Variants in LRP1B observed in about 807,000 individuals in gnomAD.
LRP1B encodes the protein LDL receptor related protein 1B.
LRP1B carries 217 observed loss-of-function variants against 556.6 expected under a neutral mutation model. That is an observed-to-expected ratio of 0.39 (90% CI 0.35 to 0.44). The LOEUF (loss-of-function observed/expected upper bound fraction) is 0.44, where lower values mean the gene tolerates loss of function less well. LRP1B is among the 20% of genes least tolerant of loss of function. The pLI is 1.00. For missense variants in LRP1B, 5,053 were observed against 5,620.8 expected (o/e 0.90, Z 3.23); for synonymous variants, 2,047 against 1,865.8 (o/e 1.10, Z -2.50).
At chr2:140,960,024 A>G (rs1695987384) in intron 18 of LRP1B, among the ~76,000 whole-genome samples, 1 of 20,014 alleles carries the variant, frequency 5.0e-5, no homozygotes. Flanking sequence ...GCATATTATT[A>G]AAATGAGTAA....
In LRP1B at chr2:140,883,026, T is replaced by C. The variant is rs1285573950; in HGVS notation, c.4169+791A>G. On this transcript the variant is annotated intron_variant, in intron 25 of 90. Transcript: ENST00000389484. ...CCTATCAGTTGCATATTATCTCCCA[T>C]GTATATCATCTCCTTAAAAACAACT... Among the ~76,000 whole-genome samples, 14 of 152,314 alleles carry C rather than the reference T, an allele frequency of 9.2e-5. No homozygotes were observed. In the East Asian group the frequency reaches 2.7e-3, roughly 29 times the overall value.
chr2:141,974,491 T>C lies in LRP1B; in HGVS notation c.82+156157A>G, dbSNP rs542878776. 3.3e-5 allele frequency among the ~76,000 whole-genome samples: 5 copies of C among 152,116 alleles called. No homozygotes were observed. The South Asian group carries it at 6.2e-4, about 19-fold the overall frequency. The stretch of plus-strand genomic sequence containing the variant: ...TCGAGTTTTCAGTGTTTGTCACCAG[T>C]TAAACAGTACGGGTTCTGATTGCTA... On this transcript the variant is annotated intron_variant, in intron 1 of 90. Transcript: ENST00000389484.
intron 7 of LRP1B, among the ~76,000 whole-genome samples, chr2:141,086,049 C>T (rs1182590228): frequency 2.0e-5 from 3 of 152,166 alleles, no homozygotes; most frequent in African/African-American, 2.4e-5. Flanking sequence ...AGCATCAGGT[C>T]TGCTTGTTCT....
rs117307598 is a variant in LRP1B, at chr2:141,570,810, G to A, written c.206-90277C>T. Among the ~76,000 whole-genome samples the A allele has an allele frequency of 2.6e-5, 4 of 151,362 alleles. No homozygotes were observed. In the East Asian group the frequency reaches 7.8e-4, roughly 29 times the overall value. On this transcript the variant is annotated intron_variant, in intron 2 of 90. Transcript: ENST00000389484. The stretch of plus-strand genomic sequence containing the variant: ...ATCTGCAGCCAGAGTGCCTCTTCAG[G>A]CCTGACCCGGACCCATCCTTCCTCA...
rs372612325 is a variant in LRP1B, at chr2:140,501,673, T to C, written c.8850+14A>G. On this transcript the variant is annotated intron_variant, in intron 55 of 90. Transcript: ENST00000389484. Reference sequence around the variant, plus strand: ...AATGTATCGTATGATTTGCTACTTTTGATGAGTACCTACCTTATAACTGAC... The same window carrying C: ...AATGTATCGTATGATTTGCTACTTTCGATGAGTACCTACCTTATAACTGAC... 96 of 1,562,116 alleles carry C rather than the reference T, an allele frequency of 6.1e-5. No homozygotes were observed. The highest frequency in any genetic ancestry group is 4.8e-4 in the South Asian group (40 of 83,080).
intron 82 of LRP1B, among the ~76,000 whole-genome samples, chr2:140,318,326 A>AT (rs1480990936): frequency 3.3e-5 from 5 of 152,080 alleles, no homozygotes; most frequent in African/African-American, 7.2e-5. Flanking sequence ...TAAATGTAAG[A>AT]TTTTCTCTTA....
At chr2:141,517,510 C>A (rs192707184) in intron 2 of LRP1B, among the ~76,000 whole-genome samples, 6 of 152,266 alleles carry the variant, frequency 3.9e-5, no homozygotes. Flanking sequence ...ACATGCAATA[C>A]TGGACCTGAT....
intron 1 of LRP1B, among the ~76,000 whole-genome samples, chr2:141,981,566 G>A (rs561544999): frequency 6.6e-6 from 1 of 152,122 alleles, no homozygotes; most frequent in African/African-American, 2.4e-5. Context: ...TTATAAGCAG[G>A]GGATTTAAAT....
intron 1 of LRP1B, among the ~76,000 whole-genome samples, chr2:141,817,041 A>G (rs866489732): frequency 5.1e-4 from 78 of 152,244 alleles, no homozygotes; most frequent in African/African-American, 1.7e-3. Flanking sequence ...GAGTCAAATG[A>G]AAAAAAATTT....
At chr2:141,580,556 G>A (rs1686929019) in intron 2 of LRP1B, among the ~76,000 whole-genome samples, 3 of 151,252 alleles carry the variant, frequency 2.0e-5, no homozygotes, top group African/African-American at 7.3e-5. Flanking sequence ...AAACCTTAGA[G>A]TCTTCCTACT....
intron 1 of LRP1B, among the ~76,000 whole-genome samples, chr2:141,836,092 C>T (rs1697268224): frequency 6.6e-6 from 1 of 151,964 alleles, no homozygotes; most frequent in Non-Finnish European, 1.5e-5. Flanking sequence ...AAATCTGTGC[C>T]TAACAGATGT....
rs528968756 is a variant in LRP1B at position 142,076,914 on chromosome 2, C to A, written c.82+53734G>T. Reference sequence around the variant, plus strand: ...ATAGTTTTTGAGCATGTTCATATGACATCATTTGAGGTGTCACCTTATGAA... The same window carrying A: ...ATAGTTTTTGAGCATGTTCATATGAAATCATTTGAGGTGTCACCTTATGAA... On this transcript the variant is annotated intron_variant, in intron 1 of 90. Coordinates refer to ENST00000389484, the MANE Select transcript of LRP1B (RefSeq NM_018557.3). Among the ~76,000 whole-genome samples, 28 of 152,152 alleles carry A rather than the reference C, an allele frequency of 1.8e-4. 1 individual carries two copies. In the South Asian group the frequency reaches 5.4e-3, roughly 29 times the overall value.
At chr2:141,846,720 T>C (rs1352560497) in intron 1 of LRP1B, among the ~76,000 whole-genome samples, 1 of 151,446 alleles carries the variant, frequency 6.6e-6, no homozygotes, top group South Asian at 2.1e-4. Context: ...AAAATATTAA[T>C]GACCTAAAGT....
chr2:140,851,665 C>A lies in LRP1B; in HGVS notation c.4698G>T (p.Lys1566Asn), dbSNP rs1343651855. ...CPHLMKLSSDKKTCYEMKKFL... is the reference protein window; with the variant it reads ...CPHLMKLSSDNKTCYEMKKFL... ...TAAGAAATTTACCATAGCAGGTCTTCTTGTCTGAAGAAAGCTTCATCAAGT... is the reference window on the plus strand; with the variant it reads ...TAAGAAATTTACCATAGCAGGTCTTATTGTCTGAAGAAAGCTTCATCAAGT... The change falls in exon 28 of 91, where the codon AAG (lysine) becomes AAT (asparagine). Residue 1566 changes from lysine to asparagine, a missense_variant. Physicochemically the swap from Lys to Asn is moderately conservative, Grantham distance 94. Transcript: ENST00000389484. 2 of 1,609,094 alleles carry A rather than the reference C, an allele frequency of 1.2e-6. No individual in the cohort carries two copies. Among genetic ancestry groups the A allele is most frequent in the African/African-American group, 1.3e-5 (1 of 74,648 alleles).
At chr2:141,045,121 G>A (rs1698828909) in intron 11 of LRP1B, among the ~76,000 whole-genome samples, 1 of 137,190 alleles carries the variant, frequency 7.3e-6, no homozygotes, top group Admixed American at 7.7e-5. Flanking sequence ...TCCTTTGTGG[G>A]GACATGGATG....
At chr2:140,735,684 T>A (rs1687923072) in intron 35 of LRP1B, among the ~76,000 whole-genome samples, 1 of 152,160 alleles carries the variant, frequency 6.6e-6, no homozygotes, top group Non-Finnish European at 1.5e-5. Context: ...ACTTCCCTTG[T>A]GCTGGTAGAT....
At chr2:141,800,123 A>G (rs1432296757) in intron 2 of LRP1B, among the ~76,000 whole-genome samples, 2 of 152,126 alleles carry the variant, frequency 1.3e-5, no homozygotes, top group African/African-American at 4.8e-5. Flanking sequence ...ACTCAATTAA[A>G]ATCTGTTGTG....
intron 22 of LRP1B, among the ~76,000 whole-genome samples, chr2:140,906,122 T>C (rs930986777): frequency 1.3e-5 from 2 of 152,084 alleles, no homozygotes; most frequent in Non-Finnish European, 2.9e-5. Context: ...AAGAGTGCGG[T>C]GTGTAGTTCA....
intron 3 of LRP1B, among the ~76,000 whole-genome samples, chr2:141,399,700 C>T (rs977616126): frequency 6.6e-6 from 1 of 152,092 alleles, no homozygotes; most frequent in Non-Finnish European, 1.5e-5. Context: ...TTGAACCCCC[C>T]GTTCAATTCT....
Sources: allele counts gnomAD v4.1 joint callset (sites outside exome capture counted in the v4.1 genomes callset), GRCh38; gene constraint gnomAD v4.1.1; transcripts MANE v1.5; gene names NCBI Gene and HGNC (gene_info 2026-07-23, HGNC 2026-07-21).